FRA10AC1: variants seen among roughly 807,000 people sequenced by gnomAD.
The protein encoded by FRA10AC1 is FRA10A associated CGG repeat 1, also known as protein FRA10AC1.
A neutral mutation model predicts 56.5 loss-of-function variants in FRA10AC1; 43 were observed. The ratio of observed to expected loss-of-function variants is 0.76; its 90% CI spans 0.60 to 0.98. FRA10AC1 has a LOEUF of 0.98. Among genes scored for constraint, FRA10AC1 ranks in the 50% least tolerant of loss-of-function variants. FRA10AC1 has a pLI of 0.00. For synonymous variants in FRA10AC1, 112 were observed against 110.5 expected (o/e 1.01, Z -0.09); for missense variants, 346 against 351.8 (o/e 0.98, Z 0.13).
chr10:93,679,878 T>G (rs1290125259), intron 11 of FRA10AC1, among the ~76,000 whole-genome samples: 1 of 152,016 alleles, frequency 6.6e-6, no homozygotes, highest in Non-Finnish European at 1.5e-5. Context: ...GGGGGTAAAA[T>G]TCACAGGACT....
intron 11 of FRA10AC1, among the ~76,000 whole-genome samples, chr10:93,677,144 A>G (rs2058855322): frequency 6.6e-6 from 1 of 152,196 alleles, no homozygotes; most frequent in Non-Finnish European, 1.5e-5. Flanking sequence ...ACACAACACA[A>G]TTATGTCATA....
intron 11 of FRA10AC1, among the ~76,000 whole-genome samples, chr10:93,680,661 C>CT (rs1673782445): frequency 6.6e-6 from 1 of 152,178 alleles, no homozygotes. Context: ...ATTCAATTAC[C>CT]TATCTAGATT....
rs758291265 is a variant in FRA10AC1 at position 93,684,032 on chromosome 10, G to T, written c.668+24C>A. 31 of 1,486,520 alleles carry T rather than the reference G, an allele frequency of 2.1e-5. No homozygotes were observed. The Admixed American group carries it at 4.9e-4, about 23-fold the overall frequency. The allele number at this position is 1,486,520 out of a possible 1,614,324, so 92.1% of individuals were successfully genotyped here. On this transcript the variant is annotated intron_variant, in intron 10 of 13. Coordinates refer to ENST00000359204, the MANE Select transcript of FRA10AC1 (RefSeq NM_145246.5). ...TATATCCTGGATTACTAAACATTAAGAATGGCATTTTAAAAGACATTACCT... is the reference window on the plus strand; with the variant it reads ...TATATCCTGGATTACTAAACATTAATAATGGCATTTTAAAAGACATTACCT...
At chr10:93,673,806 G>A in intron 12 of FRA10AC1, 1 of 451,086 alleles carries the variant, frequency 2.2e-6, no homozygotes, top group South Asian at 1.6e-5. Context: ...AACGAAGTAG[G>A]TCTCTTTATA....
intron 1 of FRA10AC1, among the ~76,000 whole-genome samples, chr10:93,701,033 G>C (rs577842066): frequency 2.0e-5 from 3 of 151,954 alleles, no homozygotes; most frequent in African/African-American, 7.3e-5. Flanking sequence ...AAGGGGTTTC[G>C]CCATGTTGCC....
At chr10:93,697,779 G>C (rs1336836636) in intron 4 of FRA10AC1, among the ~76,000 whole-genome samples, 1 of 152,016 alleles carries the variant, frequency 6.6e-6, no homozygotes, top group Non-Finnish European at 1.5e-5. Flanking sequence ...ACCTTAAATA[G>C]CAAAGAACCA....
At position 93,681,618 on chromosome 10, in the gene FRA10AC1, A is replaced by C. The variant is rs1388179464; in HGVS notation, c.669-20T>G. 13 of 1,471,016 alleles carry C rather than the reference A, an allele frequency of 8.8e-6. No individual in the cohort carries two copies. The highest frequency in any genetic ancestry group is 1.2e-5 in the Non-Finnish European group (13 of 1,111,338). The allele number at this position is 1,471,016 out of a possible 1,614,324, so 91.1% of individuals were successfully genotyped here. ...TTTCTCCTTTGTGTTAAACAATATA[A>C]AATTAAAGTTAACTTTTCCAACTGA... On this transcript the variant is annotated intron_variant, in intron 10 of 13. Coordinates refer to ENST00000359204, the MANE Select transcript of FRA10AC1 (RefSeq NM_145246.5).
chr10:93,695,587 G>A (rs113070283), intron 4 of FRA10AC1, among the ~76,000 whole-genome samples: 46 of 152,128 alleles, frequency 3.0e-4, no homozygotes, highest in African/African-American at 1.1e-3. Context: ...AGCCAAACAT[G>A]CACATAATAG....
At chr10:93,673,533 T>C in intron 12 of FRA10AC1, 1 of 364,402 alleles carries the variant, frequency 2.7e-6, no homozygotes, top group Non-Finnish European at 5.3e-6. Context: ...TCTTGGTTTT[T>C]GTGGATATTA....
Position 93,692,008 on chromosome 10 carries a change from CCTT to C in FRA10AC1, c.463_465del (p.Lys155del), listed in dbSNP as rs1337840584. 2 of 1,563,804 alleles carry C rather than the reference CCTT, an allele frequency of 1.3e-6. No homozygotes were observed. Among genetic ancestry groups the C allele is most frequent in the Admixed American group, 4.0e-5 (2 of 49,858 alleles). ...TTTCCATAAATATGTGGAAAGCATA[CCTT>C]ATTTTCTTTATATTTACTGAGATCT... On this transcript the variant is annotated inframe_deletion and splice_region_variant, in exon 7 of 14. Coordinates refer to ENST00000359204, the MANE Select transcript of FRA10AC1 (RefSeq NM_145246.5).
chr10:93,699,952 T>C, intron 2 of FRA10AC1, 78 bp downstream of exon 2: 1 of 813,046 alleles, frequency 1.2e-6, no homozygotes, highest in Non-Finnish European at 2.0e-6. Context: ...AATTCAAAAA[T>C]TTCACTCTTG....
chr10:93,679,648 C>T (rs943240414), intron 11 of FRA10AC1, among the ~76,000 whole-genome samples: 13 of 152,108 alleles, frequency 8.5e-5, no homozygotes, highest in African/African-American at 3.1e-4. Context: ...GTATAGTACA[C>T]AAGTTCTGGA....
intron 2 of FRA10AC1, 121 bp from the exon 3 acceptor site, chr10:93,698,517 T>G (rs1277924089): frequency 9.2e-6 from 5 of 545,390 alleles, no homozygotes; most frequent in Non-Finnish European, 1.6e-5. Flanking sequence ...GAAGACTCAC[T>G]GATCTTTAAT....
At chr10:93,687,276 C>A (rs1397728757) in intron 8 of FRA10AC1, 128 bp downstream of exon 8, 2 of 676,076 alleles carry the variant, frequency 3.0e-6, no homozygotes, top group Non-Finnish European at 4.8e-6. Context: ...CATGAATACA[C>A]CTTCTCTAAT....
chr10:93,693,511 CCATATATATATATATACACCATAT>C, intron 5 of FRA10AC1, among the ~76,000 whole-genome samples: 1 of 18,822 alleles, frequency 5.3e-5, no homozygotes, highest in South Asian at 1.5e-3. Flanking sequence ...TATATATACA[CCATATATATATATATACACCATAT>C]ATATATATAT....
intron 5 of FRA10AC1, 88 bp downstream of exon 5, chr10:93,694,773 A>G (rs1017260041): frequency 1.4e-5 from 10 of 716,866 alleles, no homozygotes; most frequent in African/African-American, 7.4e-5. Flanking sequence ...GCAGGGAAGA[A>G]TGACAGAATC....
intron 7 of FRA10AC1, among the ~76,000 whole-genome samples, chr10:93,690,794 C>G (rs1270238976): frequency 2.6e-5 from 4 of 152,124 alleles, no homozygotes; most frequent in Non-Finnish European, 5.9e-5. Flanking sequence ...ACAGAGAAGA[C>G]AGCTGTGAAC....
At chr10:93,699,648 A>G (rs1015623103) in intron 2 of FRA10AC1, among the ~76,000 whole-genome samples, 6 of 152,218 alleles carry the variant, frequency 3.9e-5, no homozygotes, top group African/African-American at 7.2e-5. Context: ...CCTCCATATT[A>G]ACTTCACTTT....
intron 5 of FRA10AC1, among the ~76,000 whole-genome samples, chr10:93,693,580 CCATA>C (rs1320710236): frequency 7.6e-6 from 1 of 132,392 alleles, no homozygotes; most frequent in Non-Finnish European, 1.6e-5. Flanking sequence ...TATATACACA[CCATA>C]TATATATACA....
Sources: allele counts gnomAD v4.1 joint callset (sites outside exome capture counted in the v4.1 genomes callset), GRCh38; gene constraint gnomAD v4.1.1; transcripts MANE v1.5; gene names NCBI Gene and HGNC (gene_info 2026-07-23, HGNC 2026-07-21).